The following STPG2 variants were observed in gnomAD, a reference collection of about 807,000 sequenced individuals.
The protein encoded by STPG2 is sperm tail PG-rich repeat containing 2.
STPG2 carries 56 observed loss-of-function variants against 54.2 expected under a neutral mutation model. That is an observed-to-expected ratio of 1.03 (90% CI 0.83 to 1.29). The LOEUF is 1.29. Among genes scored for constraint, STPG2 ranks in the 50% most tolerant of loss-of-function variants. STPG2 has a pLI of 0.00. For missense variants in STPG2, 596 were observed against 544.9 expected, an observed-to-expected ratio of 1.09 and a Z score of -0.93; for synonymous variants, 200 against 181.8, an observed-to-expected ratio of 1.10 and a Z score of -0.81.
chr4:98,092,538 T>C (rs34313689), intron 5 of STPG2, among the ~76,000 whole-genome samples: 60,512 of 151,764 alleles, frequency 0.4, 12,333 homozygotes, highest in African/African-American at 0.46. Flanking sequence ...ATGTTTACAT[T>C]GAAATTAATG....
chr4:97,543,904 A>T lies in STPG2; in HGVS notation c.462+168795T>A, dbSNP rs1209564627. ...CTGGTAGAGCTCAAATATTTGCATG[A>T]TTAGCAGACTCTTGACACATGTAAT... On this transcript the variant is annotated intron_variant, in intron 4 of 4. Transcript: ENST00000522676. 3.3e-5 allele frequency among the ~76,000 whole-genome samples: 5 copies of T among 152,048 alleles called. No individual in the cohort carries two copies. In the South Asian group the frequency reaches 6.2e-4, roughly 19 times the overall value.
intron 4 of STPG2, among the ~76,000 whole-genome samples, chr4:97,467,871 G>T (rs1729827381): frequency 6.7e-6 from 1 of 149,972 alleles, no homozygotes; most frequent in Non-Finnish European, 1.5e-5. Context: ...GATGGGATAG[G>T]ACTCTACCTA....
rs527715765 is a variant in STPG2 at position 97,963,503 on chromosome 4, A to T, written c.933+8777T>A. On this transcript the variant is annotated intron_variant, in intron 7 of 10. Transcript: ENST00000295268. ...CCTTGTCTCTATGAAAAATTTTTTT[A>T]AAATAGCCAGGTGTAACGGCCCATG... Among the ~76,000 whole-genome samples the T allele has an allele frequency of 3.0e-4, 45 of 152,164 alleles. 1 individual carries two copies. In the East Asian group the frequency reaches 7.6e-3, roughly 26 times the overall value.
intron 5 of STPG2, among the ~76,000 whole-genome samples, chr4:98,037,489 A>G (rs907384598): frequency 1.3e-5 from 2 of 152,068 alleles, no homozygotes; most frequent in Non-Finnish European, 2.9e-5. Flanking sequence ...AACCCACAGC[A>G]TCATACCTAT....
intron 5 of STPG2, among the ~76,000 whole-genome samples, chr4:98,054,530 T>C (rs899828586): frequency 2.0e-5 from 3 of 152,170 alleles, no homozygotes; most frequent in African/African-American, 7.2e-5. Flanking sequence ...CTTTGGTAAA[T>C]CATCTTTATT....
intron 4 of STPG2, chr4:97,463,576 A>G (rs1402553679): frequency 1.3e-5 from 2 of 152,042 alleles, no homozygotes; most frequent in Non-Finnish European, 2.9e-5. Context: ...CAGCCTCCCA[A>G]CTAGCTGGGA....
At chr4:97,524,803 T>C (rs1178445536) in intron 4 of STPG2, among the ~76,000 whole-genome samples, 1 of 152,012 alleles carries the variant, frequency 6.6e-6, no homozygotes, top group Non-Finnish European at 1.5e-5. Context: ...AGCAAGCTAA[T>C]ATTCTGAGAA....
chr4:97,682,142 A>G (rs1723057228), intron 10 of STPG2, among the ~76,000 whole-genome samples: 2 of 151,832 alleles, frequency 1.3e-5, no homozygotes, highest in Admixed American at 6.6e-5. Context: ...AAATCTAATG[A>G]ATTATATAGG....
intron 4 of STPG2, among the ~76,000 whole-genome samples, chr4:97,508,179 C>G (rs1338301240): frequency 3.9e-5 from 6 of 151,962 alleles, no homozygotes; most frequent in Non-Finnish European, 7.4e-5. Flanking sequence ...GTAACCAATA[C>G]AGCAAATACA....
At chr4:97,717,520 CAT>C (rs915710807) in intron 9 of STPG2, among the ~76,000 whole-genome samples, 3 of 152,118 alleles carry the variant, frequency 2.0e-5, no homozygotes, top group African/African-American at 7.2e-5. Context: ...AATACAAAGT[CAT>C]ATGGATTTGG....
chr4:97,941,820 C>A (rs142341319), intron 8 of STPG2, among the ~76,000 whole-genome samples: 1 of 151,822 alleles, frequency 6.6e-6, no homozygotes, highest in Admixed American at 6.6e-5. Flanking sequence ...ACATTATACA[C>A]CCACCTGTTT....
rs554739564 is a variant in STPG2, at chr4:97,669,669, G to A, written c.1320+43030C>T. Among the ~76,000 whole-genome samples, 16 of 84,774 alleles carry A rather than the reference G, an allele frequency of 1.9e-4. 4 individuals carry two copies. The highest frequency in any genetic ancestry group is 3.4e-4 in the Non-Finnish European group (15 of 44,226). The allele number at this position is 84,774 out of a possible 152,430, so 55.6% of individuals were successfully genotyped here. On this transcript the variant is annotated intron_variant, in intron 10 of 10. Transcript: ENST00000295268. ...AAATTAGCCGGGCGCGGTGGCGGGC[G>A]CCTGTAGTCCCAGCTACTCGGGAGG... is the stretch of plus-strand genomic sequence containing the variant.
At chr4:98,026,249 G>C in intron 5 of STPG2, 7 of 935,304 alleles carry the variant, frequency 7.5e-6, no homozygotes, top group Non-Finnish European at 1.2e-5. Context: ...GAGCTCAGGA[G>C]TGGGCTGCTG....
intron 8 of STPG2, among the ~76,000 whole-genome samples, chr4:97,858,681 A>G (rs1212530764): frequency 6.6e-6 from 1 of 152,176 alleles, no homozygotes; most frequent in Non-Finnish European, 1.5e-5. Context: ...TACTTCACCT[A>G]GAATAATGAT....
At chr4:97,850,142 A>G (rs1210606953) in intron 8 of STPG2, among the ~76,000 whole-genome samples, 4 of 150,484 alleles carry the variant, frequency 2.7e-5, no homozygotes, top group Non-Finnish European at 5.9e-5. Context: ...GAAATTGGAA[A>G]CCATCATTCT....
chr4:97,978,768 T>C (rs554890922), intron 6 of STPG2, among the ~76,000 whole-genome samples: 1 of 152,340 alleles, frequency 6.6e-6, no homozygotes, highest in South Asian at 2.1e-4. Context: ...AAACTGTTTT[T>C]CATCCCCAGT....
chr4:97,648,442 T>G (rs1438763247), intron 10 of STPG2, among the ~76,000 whole-genome samples: 2 of 152,192 alleles, frequency 1.3e-5, no homozygotes, highest in Admixed American at 1.3e-4. Flanking sequence ...AATCTTTTCC[T>G]GTCTTAACTT....
intron 10 of STPG2, among the ~76,000 whole-genome samples, chr4:97,645,197 C>A (rs932822859): frequency 1.3e-5 from 2 of 150,764 alleles, no homozygotes; most frequent in South Asian, 2.1e-4. Context: ...TGAGCATGGC[C>A]AATTGTTTTT....
intron 8 of STPG2, among the ~76,000 whole-genome samples, chr4:97,862,276 A>G (rs896685318): frequency 1.3e-5 from 2 of 151,992 alleles, no homozygotes; most frequent in African/African-American, 4.8e-5. Flanking sequence ...GAAAAACAAA[A>G]AAAGGCAGAG....
Sources: allele counts gnomAD v4.1 joint callset (sites outside exome capture counted in the v4.1 genomes callset), GRCh38; gene constraint gnomAD v4.1.1; transcripts MANE v1.5; gene names NCBI Gene and HGNC (gene_info 2026-07-23, HGNC 2026-07-21).